The following DLGAP2 variants were observed in gnomAD, a reference collection of about 807,000 sequenced individuals.
DLGAP2 encodes DLG associated protein 2.
DLGAP2 carries 26 observed loss-of-function variants against 100.3 expected under a neutral mutation model. That is an observed-to-expected ratio of 0.26 (90% CI 0.19 to 0.36). The LOEUF (loss-of-function observed/expected upper bound fraction) is 0.36, where lower values mean the gene tolerates loss of function less well. Ranked by LOEUF, DLGAP2 falls within the 10% of genes least tolerant of loss-of-function variation. DLGAP2 has a pLI of 1.00. For synonymous variants in DLGAP2, 886 were observed against 630.1 expected (o/e 1.41, Z -6.08); for missense variants, 1,858 against 1,453.2 (o/e 1.28, Z -4.53).
chr8:856,186 T>TTCTTCTTCTTCTTC (rs1554433990), intron 1 of DLGAP2, among the ~76,000 whole-genome samples: 114 of 123,250 alleles, frequency 9.2e-4, no homozygotes, highest in African/African-American at 3.3e-3. Context: ...CTTCTTCTTC[T>TTCTTCTTCTTCTTC]TTTTTTTTTT....
intron 3 of DLGAP2, among the ~76,000 whole-genome samples, chr8:1,277,869 G>T (rs1260906371): frequency 6.6e-6 from 1 of 152,224 alleles, no homozygotes; most frequent in Non-Finnish European, 1.5e-5. Context: ...CAGTTAGGCA[G>T]ATGTGTCATG....
intron 2 of DLGAP2, among the ~76,000 whole-genome samples, chr8:1,114,140 G>T (rs1805044937): frequency 6.6e-6 from 1 of 152,136 alleles, no homozygotes; most frequent in African/African-American, 2.4e-5. Flanking sequence ...GTTCATCAAG[G>T]ATATTGGCCT....
chr8:1,686,449 C>T (rs1799117582), intron 12 of DLGAP2, among the ~76,000 whole-genome samples: 1 of 152,138 alleles, frequency 6.6e-6, no homozygotes, highest in Non-Finnish European at 1.5e-5. Flanking sequence ...AGGCAGATCA[C>T]CTGAGGTCAG....
chr8:1,388,702 AG>A (rs1258524325), intron 3 of DLGAP2, among the ~76,000 whole-genome samples: 33 of 80,648 alleles, frequency 4.1e-4, no homozygotes, highest in East Asian at 1.1e-3. Flanking sequence ...GGGCTGTAAG[AG>A]GCAGAGGCCG....
Position 1,309,516 on chromosome 8 carries a change from A to G in DLGAP2, c.106+50633A>G, listed in dbSNP as rs550901932. ...TATAGTCAGTAAAACTATCCTTCAC[A>G]ATGAAGGAGGAAGTAAGACATTCCC... is the stretch of plus-strand genomic sequence containing the variant. On this transcript the variant is annotated intron_variant, in intron 3 of 14. Transcript: ENST00000637795. Among the ~76,000 whole-genome samples the G allele has an allele frequency of 3.9e-5, 6 of 152,342 alleles. No individual in the cohort carries two copies. In the South Asian group the frequency reaches 1.2e-3, roughly 32 times the overall value.
rs144894277 is a variant in DLGAP2, at chr8:797,289, A to G, written c.18+59464A>G. ...TGTAGAATATTTTTCCTACTCTTAA[A>G]AAAATGGATTCATAGAGTATGTATT... is the stretch of plus-strand genomic sequence containing the variant. On this transcript the variant is annotated intron_variant, in intron 1 of 14. Transcript: ENST00000637795. Among the ~76,000 whole-genome samples the G allele has an allele frequency of 9.2e-5, 14 of 152,334 alleles. No individual in the cohort carries two copies. In the East Asian group the frequency reaches 2.5e-3, roughly 27 times the overall value.
intron 1 of DLGAP2, among the ~76,000 whole-genome samples, chr8:849,261 G>A (rs1002898169): frequency 6.6e-6 from 1 of 152,220 alleles, no homozygotes; most frequent in Non-Finnish European, 1.5e-5. Context: ...GCACGTTGCA[G>A]CATAGGATCA....
intron 2 of DLGAP2, among the ~76,000 whole-genome samples, chr8:1,193,345 G>A (rs529034971): frequency 2.6e-5 from 4 of 152,172 alleles, no homozygotes; most frequent in African/African-American, 9.6e-5. Flanking sequence ...TTGTTTCCTG[G>A]CTTTTTAATG....
intron 1 of DLGAP2, among the ~76,000 whole-genome samples, chr8:781,997 G>A (rs1254679107): frequency 6.6e-6 from 1 of 151,940 alleles, no homozygotes; most frequent in Non-Finnish European, 1.5e-5. Flanking sequence ...GAGAAAACCT[G>A]GTGTTCAATC....
At chr8:1,039,118 G>A (rs929630993) in intron 2 of DLGAP2, among the ~76,000 whole-genome samples, 4 of 152,260 alleles carry the variant, frequency 2.6e-5, no homozygotes, top group South Asian at 2.1e-4. Context: ...GGTTGGTTGC[G>A]TTGAGGGAGA....
At chr8:1,409,252 G>T (rs1409731762) in intron 3 of DLGAP2, among the ~76,000 whole-genome samples, 2 of 150,892 alleles carry the variant, frequency 1.3e-5, no homozygotes, top group Non-Finnish European at 2.9e-5. Context: ...TGGCAGCCCT[G>T]GCCCTGAGCA....
At chr8:1,231,845 G>C (rs565400810) in intron 2 of DLGAP2, among the ~76,000 whole-genome samples, 17 of 152,200 alleles carry the variant, frequency 1.1e-4, no homozygotes, top group Non-Finnish European at 2.1e-4. Flanking sequence ...GAAAACTACT[G>C]GGTACTATAC....
chr8:1,101,424 C>T (rs1804574629), intron 2 of DLGAP2, among the ~76,000 whole-genome samples: 1 of 152,162 alleles, frequency 6.6e-6, no homozygotes, highest in African/African-American at 2.4e-5. Flanking sequence ...GCACAGTGAA[C>T]AGGCCGGCCA....
At position 1,244,600 on chromosome 8, in the gene DLGAP2, A is replaced by G. The variant is rs1204429655; in HGVS notation, c.74-14251A>G. Among the ~76,000 whole-genome samples the G allele has an allele frequency of 9.2e-4, 47 of 50,956 alleles. No homozygotes were observed. In the Admixed American group the frequency reaches 0.011, roughly 12 times the overall value. 33.4% of individuals were successfully genotyped at this position (50,956 alleles called of 152,430 possible). A position where few individuals can be genotyped will look rare whatever the true frequency, so the allele number is the denominator to read the frequency against. ...GGCAACTGGACACCCACAGGCAGAC[A>G]CCCCAAATCCAGCCCCATACACCAC... On this transcript the variant is annotated intron_variant, in intron 2 of 14. Transcript: ENST00000637795.
chr8:1,700,290 G>T lies in DLGAP2; in HGVS notation c.2950-898G>T, dbSNP rs955968620. ...CAAAACTAGATATCTGCTTAGGAAA[G>T]TGGTTCTGACGCCTTCTGCCGTGTG... On this transcript the variant is annotated intron_variant, in intron 14 of 14. Coordinates refer to ENST00000637795, the MANE Select transcript of DLGAP2 (RefSeq NM_001346810.2). 2.5e-4 allele frequency among the ~76,000 whole-genome samples: 38 copies of T among 152,248 alleles called. 2 individuals carry two copies. The highest frequency in any genetic ancestry group is 1.5e-5 in the Non-Finnish European group (1 of 68,050).
intron 3 of DLGAP2, among the ~76,000 whole-genome samples, chr8:1,288,105 G>A (rs1799981535): frequency 1.4e-5 from 2 of 146,830 alleles, no homozygotes; most frequent in African/African-American, 2.5e-5. Context: ...GTGTGCGTGT[G>A]TGGTTCTGTT....
rs137931772 is a variant in DLGAP2 at position 1,482,483 on chromosome 8, C to G, written c.107-18883C>G. On this transcript the variant is annotated intron_variant, in intron 3 of 14. Transcript: ENST00000637795. ...AATCACAGAATGTATGGAACGTCTG[C>G]TCTGAGTAATTTATATGCATTTTTA... Among the ~76,000 whole-genome samples the G allele has an allele frequency of 5.5e-3, 840 of 152,344 alleles. 9 individuals are homozygous for G. Among genetic ancestry groups the G allele is most frequent in the African/African-American group, 0.019 (784 of 41,584 alleles).
intron 3 of DLGAP2, among the ~76,000 whole-genome samples, chr8:1,262,135 AGATGATAATATCT>A (rs1171749083): frequency 6.6e-6 from 1 of 152,264 alleles, no homozygotes; most frequent in Admixed American, 6.5e-5. Context: ...GCCCAGTCTC[AGATGATAATATCT>A]GTCAAACAAA....
At chr8:1,042,790 G>A (rs111383956) in intron 2 of DLGAP2, among the ~76,000 whole-genome samples, 14 of 95,356 alleles carry the variant, frequency 1.5e-4, no homozygotes, top group Admixed American at 4.3e-4. Flanking sequence ...TGGGTGGTGG[G>A]TGTGGGTGGT....
Sources: allele counts gnomAD v4.1 joint callset (sites outside exome capture counted in the v4.1 genomes callset), GRCh38; gene constraint gnomAD v4.1.1; transcripts MANE v1.5; gene names NCBI Gene and HGNC (gene_info 2026-07-23, HGNC 2026-07-21).